Variants in MSR1 observed in about 807,000 individuals in gnomAD.
MSR1 encodes macrophage scavenger receptor types I and II.
Under a neutral mutation model 47.2 loss-of-function variants are expected in MSR1, and 53 were observed. That is an observed-to-expected ratio of 1.12 (90% CI 0.90 to 1.41). The LOEUF is 1.41. MSR1 is among the 40% of genes most tolerant of loss of function. The pLI is 0.00. For synonymous variants in MSR1, 239 were observed against 185.6 expected (o/e 1.29, Z -2.34); for missense variants, 786 against 546.9 (o/e 1.44, Z -4.36).
intron 9 of MSR1, among the ~76,000 whole-genome samples, chr8:16,118,568 T>C (rs1799928270): frequency 6.6e-6 from 1 of 151,936 alleles, no homozygotes; most frequent in South Asian, 2.1e-4. Flanking sequence ...AGTCGCAGCT[T>C]CTCAGGAGGC....
At chr8:16,174,265 G>A (rs1323430175) in intron 3 of MSR1, among the ~76,000 whole-genome samples, 3 of 151,830 alleles carry the variant, frequency 2.0e-5, no homozygotes, top group African/African-American at 7.3e-5. Context: ...TGTTGTTGTT[G>A]TTAAACTGCT....
chr8:16,176,841 T>A (rs981053265), intron 2 of MSR1, among the ~76,000 whole-genome samples: 1 of 152,126 alleles, frequency 6.6e-6, no homozygotes, highest in Non-Finnish European at 1.5e-5. Flanking sequence ...CTCCCATCCA[T>A]CCTTTACACA....
At chr8:16,169,005 AT>A (rs966034622) in intron 3 of MSR1, 135 bp from the exon 4 acceptor site, 893 of 835,694 alleles carry the variant, frequency 1.1e-3, no homozygotes, top group Non-Finnish European at 1.3e-3. Context: ...TAAATCGAGT[AT>A]TTTTTTTTAA....
At chr8:16,188,631 A>T (rs778175525) in intron 1 of MSR1, among the ~76,000 whole-genome samples, 12 of 152,018 alleles carry the variant, frequency 7.9e-5, no homozygotes, top group Non-Finnish European at 1.6e-4. Flanking sequence ...CACATGCATT[A>T]GGAGTTTGTC....
rs551969234 is a variant in MSR1 at position 16,109,429 on chromosome 8, A to C, written c.*656T>G. ...TATCTGGACAAATATACTGATGGTCAGTTTTCTCATATGTCCTGCTTTCAA... is the reference window on the plus strand; with the variant it reads ...TATCTGGACAAATATACTGATGGTCCGTTTTCTCATATGTCCTGCTTTCAA... On this transcript the variant is annotated 3_prime_UTR_variant, in exon 10 of 10. Coordinates refer to ENST00000262101, the MANE Select transcript of MSR1 (RefSeq NM_138715.3). 4 of 152,406 alleles carry C rather than the reference A, an allele frequency of 2.6e-5. No homozygotes were observed. The highest frequency in any genetic ancestry group is 7.2e-5 in the African/African-American group (3 of 41,558). The allele number at this position is 152,406 out of a possible 1,614,324, so 9.4% of individuals were successfully genotyped here.
intron 1 of MSR1, among the ~76,000 whole-genome samples, chr8:16,181,775 G>GT (rs1263229809): frequency 1.3e-5 from 2 of 150,758 alleles, no homozygotes; most frequent in Non-Finnish European, 2.9e-5. Flanking sequence ...TTTTGCACAT[G>GT]TATCCCAGAA....
intron 5 of MSR1, among the ~76,000 whole-genome samples, chr8:16,156,317 T>C (rs1801003765): frequency 1.3e-5 from 2 of 151,892 alleles, no homozygotes; most frequent in Admixed American, 1.3e-4. Context: ...TTTAATCAGG[T>C]GGGAGACATA....
chr8:16,158,628 C>CTT (rs963256574), intron 5 of MSR1, among the ~76,000 whole-genome samples: 7 of 148,774 alleles, frequency 4.7e-5, no homozygotes, highest in South Asian at 2.1e-4. Flanking sequence ...AAACCTGCTT[C>CTT]TTTTTTTTTT....
At position 16,173,671 on chromosome 8, in the gene MSR1, G is replaced by A. The variant is rs34316888; in HGVS notation, c.217+1516C>T. 7.0e-3 allele frequency among the ~76,000 whole-genome samples: 1,054 copies of A among 151,254 alleles called. 11 individuals carry two copies. Among genetic ancestry groups the A allele is most frequent in the African/African-American group, 0.023 (965 of 41,210 alleles). On this transcript the variant is annotated intron_variant, in intron 3 of 9. Coordinates refer to ENST00000262101, the MANE Select transcript of MSR1 (RefSeq NM_138715.3). ...TTGTTTTTTCTTTTTTTTTTGAGAC[G>A]GAGTCTCGCTCTGTCCCCTCAGGCT...
At chr8:16,189,986 C>G (rs1331639753) in intron 1 of MSR1, among the ~76,000 whole-genome samples, 2 of 142,106 alleles carry the variant, frequency 1.4e-5, no homozygotes. Flanking sequence ...GTGATCTCAG[C>G]TGACTGAAAC....
chr8:16,187,773 A>C (rs1802045738), intron 1 of MSR1, among the ~76,000 whole-genome samples: 1 of 152,300 alleles, frequency 6.6e-6, no homozygotes, highest in African/African-American at 2.4e-5. Flanking sequence ...TCTGTTACAT[A>C]TTGGAAAATA....
intron 5 of MSR1, among the ~76,000 whole-genome samples, chr8:16,159,224 C>A (rs550341858): frequency 6.6e-6 from 1 of 150,922 alleles, no homozygotes; most frequent in African/African-American, 2.4e-5. Flanking sequence ...GCTTTCATAT[C>A]CTAGGAAGCC....
intron 9 of MSR1, among the ~76,000 whole-genome samples, chr8:16,116,249 T>G (rs1036598824): frequency 2.6e-5 from 4 of 152,280 alleles, no homozygotes; most frequent in Admixed American, 2.0e-4. Context: ...GCCAGGTCAG[T>G]ATTATTCTCA....
intron 1 of MSR1, among the ~76,000 whole-genome samples, chr8:16,181,977 A>G (rs1271082826): frequency 1.3e-5 from 2 of 152,164 alleles, no homozygotes; most frequent in Admixed American, 6.6e-5. Context: ...TGAGAAATGC[A>G]TTGCTAGTCA....
At chr8:16,158,334 T>C (rs1801066364) in intron 5 of MSR1, among the ~76,000 whole-genome samples, 1 of 151,992 alleles carries the variant, frequency 6.6e-6, no homozygotes, top group Non-Finnish European at 1.5e-5. Flanking sequence ...GGAAAAGTAA[T>C]ATTTCTATAT....
chr8:16,170,466 C>G (rs981458150), intron 3 of MSR1, among the ~76,000 whole-genome samples: 2 of 152,032 alleles, frequency 1.3e-5, no homozygotes, highest in African/African-American at 4.8e-5. Flanking sequence ...CTATATGTAT[C>G]TATTTATACC....
intron 4 of MSR1, among the ~76,000 whole-genome samples, chr8:16,164,872 TAA>T (rs1262471524): frequency 6.6e-6 from 1 of 152,184 alleles, no homozygotes; most frequent in Non-Finnish European, 1.5e-5. Context: ...TTCATATACT[TAA>T]GAGTGTGAAA....
At chr8:16,151,066 A>G (rs1028985103) in intron 6 of MSR1, among the ~76,000 whole-genome samples, 4 of 152,120 alleles carry the variant, frequency 2.6e-5, no homozygotes, top group Non-Finnish European at 4.4e-5. Context: ...TTTATCCTAG[A>G]GTTCAGTAGT....
chr8:16,122,590 A>C (rs1475345014), intron 8 of MSR1, among the ~76,000 whole-genome samples: 1 of 152,092 alleles, frequency 6.6e-6, no homozygotes, highest in Non-Finnish European at 1.5e-5. Flanking sequence ...GTGGTTCTCA[A>C]AGAATAATAT....
Sources: allele counts gnomAD v4.1 joint callset (sites outside exome capture counted in the v4.1 genomes callset), GRCh38; gene constraint gnomAD v4.1.1; transcripts MANE v1.5; gene names NCBI Gene and HGNC (gene_info 2026-07-23, HGNC 2026-07-21).